GRIN2C: variants seen among roughly 807,000 people sequenced by gnomAD.
GRIN2C encodes the protein glutamate ionotropic receptor NMDA type subunit 2C.
In GRIN2C, 64 loss-of-function variants were observed where a neutral mutation model predicts 77.7. The observed-to-expected ratio is 0.82, with a 90% confidence interval of 0.67 to 1.01. The LOEUF (loss-of-function observed/expected upper bound fraction) is 1.01. Among genes scored for constraint, GRIN2C ranks in the 50% least tolerant of loss-of-function variants. The pLI is 0.00. For missense variants in GRIN2C, 1,549 were observed against 1,486.0 expected, an observed-to-expected ratio of 1.04 and a Z score of -0.70; for synonymous variants, 792 against 643.4, an observed-to-expected ratio of 1.23 and a Z score of -3.49.
At chr17:74,851,496 C>G (rs2037640772) in intron 4 of GRIN2C, 81 bp downstream of exon 4, 2 of 765,046 alleles carry the variant, frequency 2.6e-6, no homozygotes, top group African/African-American at 1.7e-5. Flanking sequence ...CAGAGGGACT[C>G]TCTGCTCAGC....
chr17:74,855,541 TCTCTG>T (rs1363390249), intron 1 of GRIN2C, among the ~76,000 whole-genome samples: 9 of 152,228 alleles, frequency 5.9e-5, no homozygotes, highest in Non-Finnish European at 1.2e-4. Flanking sequence ...TCACTTAGCC[TCTCTG>T]AGCCATGTTT....
intron 11 of GRIN2C, 52 bp from the exon 12 acceptor site, chr17:74,844,560 C>G: frequency 6.3e-7 from 1 of 1,585,960 alleles, no homozygotes; most frequent in East Asian, 2.2e-5. Context: ...CTATAAGCAA[C>G]CCCCTCACAA....
Position 74,849,978 on chromosome 17 carries a change from G to T in GRIN2C, c.1492-45C>A. On this transcript the variant is annotated intron_variant, in intron 6 of 12. Transcript: ENST00000293190. The surrounding 1 kb of genome is among the most constrained non-coding windows in gnomAD (Gnocchi z 4.6). ...GAGGTTTGAAAAAGGGGCTCCCGTG[G>T]GGTGGACACGCTGCACAGGCACCTC... 1.3e-6 allele frequency: 2 copies of T among 1,583,776 alleles called. No homozygotes were observed. The highest frequency in any genetic ancestry group is 1.7e-6 in the Non-Finnish European group (2 of 1,165,134).
In GRIN2C at chr17:74,843,491, C is replaced by T. The variant is rs1244433834; in HGVS notation, c.2646G>A (p.Pro882=). Residue 882 remains proline (P), a synonymous_variant, in exon 13 of 13, where the codon CCG becomes CCA. Coordinates refer to ENST00000293190, the MANE Select transcript of GRIN2C (RefSeq NM_000835.6). ...SLASPPRQAS[P]DLTASSAQAS... ...CCTGGGCCGAGCTGGCCGTGAGGTC[C>T]GGGCTGGCCTGCCGCGGTGGGCTGG... is the stretch of plus-strand genomic sequence containing the variant. The T allele has an allele frequency of 9.8e-6, 15 of 1,533,874 alleles. No homozygotes were observed. The highest frequency in any genetic ancestry group is 1.4e-5 in the African/African-American group (1 of 73,090).
In GRIN2C at chr17:74,849,211, G is replaced by A. The variant is rs151027578; in HGVS notation, c.1645+569C>T. ...CCACACAGCAGGACAGGGCAGAGCC[G>A]GGGTTTCCACTCCTGTCTGGCCAGC... On this transcript the variant is annotated intron_variant, in intron 7 of 12. Transcript: ENST00000293190. This position sits in a 1 kb window ranked among gnomAD's most constrained non-coding sequence, Gnocchi z 4.6. Among the ~76,000 whole-genome samples the A allele has an allele frequency of 5.4e-3, 820 of 152,126 alleles. 6 individuals carry two copies. Among genetic ancestry groups the A allele is most frequent in the African/African-American group, 0.019 (783 of 41,492 alleles).
At chr17:74,856,342 C>A (rs1030744200) in intron 1 of GRIN2C, among the ~76,000 whole-genome samples, 3 of 152,172 alleles carry the variant, frequency 2.0e-5, no homozygotes, top group African/African-American at 7.2e-5. Flanking sequence ...GAAATGCTCA[C>A]GAAAATCAAG....
At chr17:74,857,940 T>C (rs1183337756) in intron 1 of GRIN2C, among the ~76,000 whole-genome samples, 2 of 152,250 alleles carry the variant, frequency 1.3e-5, no homozygotes, top group Non-Finnish European at 2.9e-5. Context: ...AAATATACTA[T>C]TAAAATTAAC....
chr17:74,849,959 T>A lies in GRIN2C; in HGVS notation c.1492-26A>T. 6.2e-7 allele frequency: 1 copy of A among 1,600,770 alleles called. No homozygotes were observed. Among genetic ancestry groups the A allele is most frequent in the Non-Finnish European group, 8.5e-7 (1 of 1,175,424 alleles). ...CTGGGGGCCGGACGCCACGGAGGTT[T>A]GAAAAAGGGGCTCCCGTGGGGTGGA... On this transcript the variant is annotated intron_variant, in intron 6 of 12. Coordinates refer to ENST00000293190, the MANE Select transcript of GRIN2C (RefSeq NM_000835.6). The surrounding 1 kb of genome is among the most constrained non-coding windows in gnomAD (Gnocchi z 4.6).
chr17:74,843,229 G>A lies in GRIN2C; in HGVS notation c.2908C>T (p.Leu970Phe). 1 of 601,320 alleles carries A rather than the reference G, an allele frequency of 1.7e-6. No individual in the cohort carries two copies. The highest frequency in any genetic ancestry group is 2.6e-6 in the Non-Finnish European group (1 of 390,298). 37.2% of individuals were successfully genotyped at this position (601,320 alleles called of 1,614,324 possible). A position where few individuals can be genotyped will look rare whatever the true frequency, so the allele number is the denominator to read the frequency against. The change falls in exon 13 of 13, where the codon CTT (leucine) becomes TTT (phenylalanine). Residue 970 changes from leucine to phenylalanine, a missense_variant. Coordinates refer to ENST00000293190, the MANE Select transcript of GRIN2C (RefSeq NM_000835.6). ...GGGGGCTGCGGAGCCCTGCGCACAA[G>A]CGCCGCGCGACCCCCGTCTGGCGGT... ...WGPPDGGRAA[L>F]VRRAPQPPGR...
At chr17:74,860,532 C>T (rs777241565), upstream of GRIN2C, 1 of 455,756 alleles carries the variant, frequency 2.2e-6, no homozygotes, top group Non-Finnish European at 4.4e-6. Flanking sequence ...CCGCCCTGCC[C>T]GCGTAGGCAG....
At chr17:74,848,143 G>A (rs1014581446) in intron 7 of GRIN2C, among the ~76,000 whole-genome samples, 166 bp from the exon 8 acceptor site, 1 of 152,114 alleles carries the variant, frequency 6.6e-6, no homozygotes, top group Non-Finnish European at 1.5e-5. Context: ...CCCCAGGAGA[G>A]GCCCCCAAAA....
chr17:74,852,694 C>T (rs1378241784), intron 2 of GRIN2C, 83 bp from the exon 3 acceptor site: 2 of 609,148 alleles, frequency 3.3e-6, no homozygotes, highest in Non-Finnish European at 2.6e-6. Flanking sequence ...CCTCCATCAG[C>T]TCCCAGGCGC....
chr17:74,854,949 G>A lies in GRIN2C; in HGVS notation c.144C>T (p.Ala48=), dbSNP rs138356099. ...CCAGGAAGCTCTGGGGGGTGAGGCGGGCACGGAACTGGGCCTGGGGCGGCC... is the reference window on the plus strand; with the variant it reads ...CCAGGAAGCTCTGGGGGGTGAGGCGAGCACGGAACTGGGCCTGGGGCGGCC... The part of the protein sequence containing the change: ...SSGPPQAQFR[A]RLTPQSFLDL... Residue 48 remains alanine, a synonymous_variant, in exon 2 of 13, where the codon GCC becomes GCT. Coordinates refer to ENST00000293190, the MANE Select transcript of GRIN2C (RefSeq NM_000835.6). 193 of 1,612,918 alleles carry A rather than the reference G, an allele frequency of 1.2e-4. No individual in the cohort carries two copies. Among genetic ancestry groups the A allele is most frequent in the Non-Finnish European group, 1.6e-4 (187 of 1,179,968 alleles).
intron 11 of GRIN2C, 111 bp downstream of exon 11, chr17:74,845,955 C>A (rs1004439269): frequency 5.0e-6 from 5 of 1,009,638 alleles, no homozygotes; most frequent in East Asian, 4.8e-5. Flanking sequence ...CTCTCACCCC[C>A]CAGAGACCTC....
Position 74,846,513 on chromosome 17 carries a change from C to T in GRIN2C, c.2162+247G>A, listed in dbSNP as rs933157682. Among the ~76,000 whole-genome samples the T allele has an allele frequency of 6.6e-6, 1 of 152,198 alleles. No homozygotes were observed. Among genetic ancestry groups the T allele is most frequent in the African/African-American group, 2.4e-5 (1 of 41,452 alleles). ...GCCCACCCTCTCCGTGCTCCTAAGA[C>T]TCAGAGAAGGTCCCAACCACCACCT... On this transcript the variant is annotated intron_variant, in intron 10 of 12. Coordinates refer to ENST00000293190, the MANE Select transcript of GRIN2C (RefSeq NM_000835.6). This position sits in a 1 kb window ranked among gnomAD's most constrained non-coding sequence, Gnocchi z 4.4.
In GRIN2C at chr17:74,850,515, A is replaced by G. The variant is rs371295954; in HGVS notation, c.1325+41T>C. On this transcript the variant is annotated intron_variant, in intron 5 of 12. Coordinates refer to ENST00000293190, the MANE Select transcript of GRIN2C (RefSeq NM_000835.6). The surrounding 1 kb of genome is among the most constrained non-coding windows in gnomAD (Gnocchi z 5.3). ...ACACGACACCTGACCATCACACGGC[A>G]GCACCCAGCTCACACTAGCCTCCCA... is the stretch of plus-strand genomic sequence containing the variant. 31 of 1,594,152 alleles carry G rather than the reference A, an allele frequency of 1.9e-5. No homozygotes were observed. The highest frequency in any genetic ancestry group is 2.7e-5 in the Non-Finnish European group (31 of 1,163,186).
upstream of GRIN2C, among the ~76,000 whole-genome samples, chr17:74,861,163 G>A (rs1255165892): frequency 2.0e-5 from 3 of 152,182 alleles, no homozygotes; most frequent in Non-Finnish European, 2.9e-5. Flanking sequence ...CGCTTCGCCC[G>A]CGTCCTTCTC....
chr17:74,843,132 G>GCCT lies in GRIN2C; in HGVS notation c.3002_3004dup (p.Glu1001dup). On this transcript the variant is annotated inframe_insertion, in exon 13 of 13. Transcript: ENST00000293190. ...GTGCCCGGTCCGCACCGGCCACCGC[G>GCCT]CCTCCCAGGCTGGGCGGCGCGACAC... 1 of 420,396 alleles carries GCCT rather than the reference G, an allele frequency of 2.4e-6. No individual in the cohort carries two copies. The highest frequency in any genetic ancestry group is 4.2e-6 in the Non-Finnish European group (1 of 238,986). The allele number at this position is 420,396 out of a possible 1,614,324, so 26.0% of individuals were successfully genotyped here.
chr17:74,856,083 G>A (rs1280805268), intron 1 of GRIN2C, among the ~76,000 whole-genome samples: 1 of 152,206 alleles, frequency 6.6e-6, no homozygotes, highest in Non-Finnish European at 1.5e-5. Context: ...ACGTATCCTT[G>A]CTAAATGTCA....
Sources: gnomAD v4.1 joint callset for allele counts (sites outside exome capture counted in the v4.1 genomes callset) on GRCh38, gnomAD v4.1.1 for gene constraint, Gnocchi (gnomAD v3.1) non-coding constraint, MANE v1.5 for transcripts, NCBI Gene and HGNC (gene_info 2026-07-23, HGNC 2026-07-21) for gene names.